The following ABLIM1 variants were observed in gnomAD, a reference collection of about 807,000 sequenced individuals.
ABLIM1 encodes actin-binding LIM protein 1.
A neutral mutation model predicts 107.0 loss-of-function variants in ABLIM1; 40 were observed. That is an observed-to-expected ratio of 0.37 (90% CI 0.29 to 0.49). The LOEUF (loss-of-function observed/expected upper bound fraction) is 0.49. ABLIM1 is among the 20% of genes least tolerant of loss of function. ABLIM1 has a pLI of 0.97. For synonymous variants in ABLIM1, 357 were observed against 357.3 expected, an observed-to-expected ratio of 1.00 and a Z score of 0.01; for missense variants, 857 against 1,008.5, an observed-to-expected ratio of 0.85 and a Z score of 2.04.
intron 2 of ABLIM1, among the ~76,000 whole-genome samples, chr10:114,580,121 A>C (rs2073170272): frequency 6.6e-6 from 1 of 151,458 alleles, no homozygotes; most frequent in Admixed American, 6.6e-5. Context: ...TCAGTTTTAC[A>C]TCTAGCCCAG....
chr10:114,526,505 T>C (rs904361805), intron 6 of ABLIM1: 2 of 362,862 alleles, frequency 5.5e-6, no homozygotes, highest in Non-Finnish European at 7.7e-6. Flanking sequence ...TACATAAATG[T>C]ATGTCAGGGC....
At chr10:114,756,104 GT>G (rs36108401) in intron 1 of ABLIM1, among the ~76,000 whole-genome samples, 1 of 147,134 alleles carries the variant, frequency 6.8e-6, no homozygotes, top group Non-Finnish European at 1.5e-5. Flanking sequence ...GTGTGTGTGT[GT>G]TCTAAAAGAA....
chr10:114,561,816 C>A (rs1169964760), intron 4 of ABLIM1, among the ~76,000 whole-genome samples: 1 of 152,192 alleles, frequency 6.6e-6, no homozygotes, highest in East Asian at 1.9e-4. Flanking sequence ...AGCTTTCCAC[C>A]TACTGAAAGC....
intron 2 of ABLIM1, among the ~76,000 whole-genome samples, chr10:114,594,603 A>G (rs907962024): frequency 9.9e-5 from 15 of 151,890 alleles, no homozygotes; most frequent in Admixed American, 9.8e-4. Context: ...TACAAAAATT[A>G]TCTGGGCATG....
At chr10:114,560,107 AT>A (rs1360209567) in intron 4 of ABLIM1, among the ~76,000 whole-genome samples, 1 of 152,212 alleles carries the variant, frequency 6.6e-6, no homozygotes, top group African/African-American at 2.4e-5. Flanking sequence ...TGCTTTCAAG[AT>A]TTGGGATCAT....
chr10:114,593,513 A>G (rs2075121573), intron 2 of ABLIM1, among the ~76,000 whole-genome samples: 1 of 152,192 alleles, frequency 6.6e-6, no homozygotes, highest in Non-Finnish European at 1.5e-5. Context: ...GTGGGTTTGT[A>G]TAAGAGCTGA....
rs60805531 is a variant in ABLIM1 at position 114,448,604 on chromosome 10, T to TTTATTATTATTATTATTATTATTATTA, written c.1595-585_1595-584insTAATAATAATAATAATAATAATAATAA. Among the ~76,000 whole-genome samples the TTTATTATTATTATTATTATTATTATTA allele has an allele frequency of 5.0e-3, 744 of 149,808 alleles. 7 individuals carry two copies. Among genetic ancestry groups the TTTATTATTATTATTATTATTATTATTA allele is most frequent in the African/African-American group, 0.018 (718 of 40,314 alleles). On this transcript the variant is annotated intron_variant, in intron 14 of 22. Coordinates refer to ENST00000533213, the MANE Select transcript of ABLIM1 (RefSeq NM_002313.7). The stretch of plus-strand genomic sequence containing the variant: ...CAAATATGTTGGTCCAGATCATTCT[T>TTTATTATTATTATTATTATTATTATTA]TTATTATTATTATTATTATTATTAT...
intron 4 of ABLIM1, among the ~76,000 whole-genome samples, chr10:114,566,058 G>A (rs2070699253): frequency 6.6e-6 from 1 of 152,158 alleles, no homozygotes; most frequent in Non-Finnish European, 1.5e-5. Flanking sequence ...GCCTCCCAAA[G>A]TGCCGGGATT....
chr10:114,619,689 T>G lies in ABLIM1; in HGVS notation c.245-17728A>C, dbSNP rs2077347292. Among the ~76,000 whole-genome samples, 1 of 152,080 alleles carries G rather than the reference T, an allele frequency of 6.6e-6. No homozygotes were observed. Among genetic ancestry groups the G allele is most frequent in the Admixed American group, 6.5e-5 (1 of 15,274 alleles). On this transcript the variant is annotated intron_variant, in intron 1 of 22. Transcript: ENST00000533213. The surrounding 1 kb of genome is among the most constrained non-coding windows in gnomAD (Gnocchi z 4.1). ...AAGCAAGGAAACAAGGTAAGCGTGG[T>G]GAACACAAAGAGGAGAGGCAGACTC...
Position 114,652,618 on chromosome 10 carries a change from G to A in ABLIM1, c.244+5339C>T, listed in dbSNP as rs79419593. ...GACTGCCAAGTCTACTTTGGTCCCT[G>A]CTCTCCAGTCCAGAACATTCTGCTT... On this transcript the variant is annotated intron_variant, in intron 1 of 22. Transcript: ENST00000533213. Among the ~76,000 whole-genome samples, 592 of 152,278 alleles carry A rather than the reference G, an allele frequency of 3.9e-3. 6 individuals carry two copies. The highest frequency in any genetic ancestry group is 0.013 in the African/African-American group (559 of 41,562).
intron 1 of ABLIM1, among the ~76,000 whole-genome samples, chr10:114,617,842 C>T (rs61867916): frequency 0.11 from 16,204 of 152,070 alleles, 2,118 homozygotes; most frequent in African/African-American, 0.31. Flanking sequence ...TAAGTGTGGG[C>T]GGTGGCTCAC....
Position 114,571,374 on chromosome 10 carries a change from A to C in ABLIM1, c.596T>G (p.Phe199Cys), listed in dbSNP as rs1369082863. The C allele has an allele frequency of 1.9e-6, 3 of 1,614,062 alleles. No individual in the cohort carries two copies. Among genetic ancestry groups the C allele is most frequent in the Non-Finnish European group, 2.5e-6 (3 of 1,180,040 alleles). The part of the protein sequence containing the change: ...RPFPPGDRVT[F>C]NGRDCLCQLC... ...TTGACAAAGGCAGTCTCTCCCATTGAATGTGACTCGGTCTCCGGGTGGAAA... is the reference window on the plus strand; with the variant it reads ...TTGACAAAGGCAGTCTCTCCCATTGCATGTGACTCGGTCTCCGGGTGGAAA... Residue 199 changes from phenylalanine (F) to cysteine (C), a missense_variant, in exon 4 of 23, where the codon TTC becomes TGC. Physicochemically the swap from Phe to Cys is radical, Grantham distance 205 (BLOSUM62 -2). This residue lies in a region of ABLIM1 where 381 missense variants were observed against 506.9 expected (regional missense o/e 0.75). Transcript: ENST00000533213.
chr10:114,440,207 T>A, intron 19 of ABLIM1, 118 bp from the exon 20 acceptor site: 1 of 1,066,372 alleles, frequency 9.4e-7, no homozygotes, highest in Non-Finnish European at 1.4e-6. Flanking sequence ...ACCATGTTCT[T>A]TTTCTGCTCC....
intron 6 of ABLIM1, among the ~76,000 whole-genome samples, chr10:114,520,550 T>G (rs2063579397): frequency 6.6e-6 from 1 of 152,030 alleles, no homozygotes. Context: ...AACCCTGGAT[T>G]AAAGTGCCAT....
At chr10:114,717,735 C>T (rs1012399861) in intron 1 of ABLIM1, among the ~76,000 whole-genome samples, 6 of 151,810 alleles carry the variant, frequency 4.0e-5, no homozygotes, top group African/African-American at 1.5e-4. Flanking sequence ...GGTAACATGG[C>T]AAAACCCTGT....
intron 2 of ABLIM1, among the ~76,000 whole-genome samples, chr10:114,600,374 C>T (rs931232485): frequency 4.6e-5 from 7 of 152,260 alleles, no homozygotes; most frequent in Admixed American, 4.6e-4. Context: ...GAGCATTGAG[C>T]TCATTTGAGG....
At chr10:114,644,397 G>C (rs2078922400) in intron 1 of ABLIM1, among the ~76,000 whole-genome samples, 1 of 142,488 alleles carries the variant, frequency 7.0e-6, no homozygotes, top group African/African-American at 2.7e-5. Context: ...AATCACATGG[G>C]GTTTTATTTC....
chr10:114,501,057 C>G (rs951538299), intron 6 of ABLIM1, among the ~76,000 whole-genome samples: 1 of 152,188 alleles, frequency 6.6e-6, no homozygotes, highest in Non-Finnish European at 1.5e-5. Flanking sequence ...TATACAATTA[C>G]TTTGGCCAAA....
At chr10:114,631,756 GA>G in intron 1 of ABLIM1, 3 of 801,262 alleles carry the variant, frequency 3.7e-6, no homozygotes, top group Non-Finnish European at 5.0e-6. Flanking sequence ...GGGTTCGATG[GA>G]AACCCAGACT....
Sources: allele counts gnomAD v4.1 joint callset (sites outside exome capture counted in the v4.1 genomes callset), GRCh38; gene constraint gnomAD v4.1.1; regional missense constraint gnomAD v4.1.1; non-coding constraint Gnocchi (gnomAD v3.1); transcripts MANE v1.5; gene names NCBI Gene and HGNC (gene_info 2026-07-23, HGNC 2026-07-21).